SLC9A3: variants seen among roughly 807,000 people sequenced by gnomAD.
The protein encoded by SLC9A3 is solute carrier family 9 member A3.
In SLC9A3, 37 loss-of-function variants were observed where a neutral mutation model predicts 86.8. That is an observed-to-expected ratio of 0.43 (90% CI 0.33 to 0.56). The LOEUF (loss-of-function observed/expected upper bound fraction) is 0.56, where lower values mean the gene tolerates loss of function less well. Among genes scored for constraint, SLC9A3 ranks in the 20% least tolerant of loss-of-function variants. The pLI is 0.06. For synonymous variants in SLC9A3, 581 were observed against 528.3 expected, an observed-to-expected ratio of 1.10 and a Z score of -1.37; for missense variants, 1,011 against 1,171.9, an observed-to-expected ratio of 0.86 and a Z score of 2.00.
In SLC9A3 at chr5:471,978, T is replaced by G; in HGVS notation, c.*1401A>C. The G allele has an allele frequency of 2.2e-6, 1 of 456,648 alleles. No individual in the cohort carries two copies. The highest frequency in any genetic ancestry group is 4.4e-6 in the Non-Finnish European group (1 of 226,970). 28.3% of individuals were successfully genotyped at this position (456,648 alleles called of 1,614,324 possible). A position where few individuals can be genotyped will look rare whatever the true frequency, so the allele number is the denominator to read the frequency against. ...GTCAACACTTGATCTGAAACGTGAATAGTTTAATTTTCCTGAGCAAGGAGC... is the reference window on the plus strand; with the variant it reads ...GTCAACACTTGATCTGAAACGTGAAGAGTTTAATTTTCCTGAGCAAGGAGC... On this transcript the variant is annotated 3_prime_UTR_variant, in exon 17 of 17. Coordinates refer to ENST00000264938, the MANE Select transcript of SLC9A3 (RefSeq NM_004174.4).
At chr5:504,259 G>A (rs1740441156) in intron 1 of SLC9A3, among the ~76,000 whole-genome samples, 1 of 152,116 alleles carries the variant, frequency 6.6e-6, no homozygotes, top group Non-Finnish European at 1.5e-5. Context: ...AACCCAAGGG[G>A]CACACGTCTC....
intron 7 of SLC9A3, 34 bp downstream of exon 7, chr5:482,514 C>A: frequency 6.4e-7 from 1 of 1,559,948 alleles, no homozygotes; most frequent in Non-Finnish European, 8.8e-7. Context: ...GCGGGCGGGG[C>A]CGAGACCCCA....
intron 1 of SLC9A3, among the ~76,000 whole-genome samples, chr5:517,429 C>CCATCCAACTATTCACT: frequency 6.6e-6 from 1 of 151,334 alleles, no homozygotes; most frequent in Admixed American, 6.6e-5. Context: ...ATCAATCCAC[C>CCATCCAACTATTCACT]CATCCAACTA....
intron 4 of SLC9A3, 61 bp from the exon 5 acceptor site, chr5:484,758 C>G: frequency 6.5e-7 from 1 of 1,548,532 alleles, no homozygotes; most frequent in Non-Finnish European, 8.9e-7. Flanking sequence ...TGCCAGGGGC[C>G]GCCTGGTGAC....
intron 1 of SLC9A3, among the ~76,000 whole-genome samples, chr5:501,582 G>A (rs980575945): frequency 3.9e-5 from 6 of 152,230 alleles, no homozygotes; most frequent in Non-Finnish European, 5.9e-5. Context: ...ACGCAGAGAC[G>A]TGCAGAGACA....
In SLC9A3 at chr5:491,727, C is replaced by G. The variant is rs2126629879; in HGVS notation, c.514+42G>C. On this transcript the variant is annotated intron_variant, in intron 2 of 16. Coordinates refer to ENST00000264938, the MANE Select transcript of SLC9A3 (RefSeq NM_004174.4). This position sits in a 1 kb window ranked among gnomAD's most constrained non-coding sequence, Gnocchi z 9.2. Reference sequence around the variant, plus strand: ...TGAGGCAGCGCCGCCCCTCCCGGACCCCACCCTGATCCCGGCCGGGGCAAC... The same window carrying G: ...TGAGGCAGCGCCGCCCCTCCCGGACGCCACCCTGATCCCGGCCGGGGCAAC... The G allele has an allele frequency of 6.8e-7, 1 of 1,474,490 alleles. No individual in the cohort carries two copies. The highest frequency in any genetic ancestry group is 9.1e-7 in the Non-Finnish European group (1 of 1,100,420). 91.3% of individuals were successfully genotyped at this position (1,474,490 alleles called of 1,614,324 possible).
At chr5:482,401 G>A (rs1475734228) in intron 7 of SLC9A3, 147 bp downstream of exon 7, 19 of 733,264 alleles carry the variant, frequency 2.6e-5, no homozygotes, top group East Asian at 5.1e-5. Flanking sequence ...GTGGGGCCAC[G>A]TGAAAACCTA....
At chr5:488,917 TG>T (rs1739595766) in intron 2 of SLC9A3, among the ~76,000 whole-genome samples, 1 of 144,492 alleles carries the variant, frequency 6.9e-6, no homozygotes, top group South Asian at 2.2e-4. Flanking sequence ...GGAGGGCCGT[TG>T]GGGGTGTGGG....
rs1315735913 is a variant in SLC9A3, at chr5:519,392, T to C, written c.211+4720A>G. On this transcript the variant is annotated intron_variant, in intron 1 of 16. Coordinates refer to ENST00000264938, the MANE Select transcript of SLC9A3 (RefSeq NM_004174.4). Reference sequence around the variant, plus strand: ...GGTGAAGGGGTAGGTGCTGTGCGCATTGAGGGATTCCTGCCTCCAGGACCA... The same window carrying C: ...GGTGAAGGGGTAGGTGCTGTGCGCACTGAGGGATTCCTGCCTCCAGGACCA... Among the ~76,000 whole-genome samples, 3 of 152,262 alleles carry C rather than the reference T, an allele frequency of 2.0e-5. No individual in the cohort carries two copies. The East Asian group carries it at 5.8e-4, about 29-fold the overall frequency.
chr5:473,144 C>CGGCCCCGCCCCCCGGCGCA lies in SLC9A3; in HGVS notation c.*234_*235insTGCGCCGGGGGGCGGGGCC. On this transcript the variant is annotated 3_prime_UTR_variant, in exon 17 of 17. Transcript: ENST00000264938. The stretch of plus-strand genomic sequence containing the variant: ...GCGCACTCGGCAGCCCTCGGCGCTC[C>CGGCCCCGCCCCCCGGCGCA]GGCCCCGCCCCCGGCGCAGGCCCCG... 4.1e-6 allele frequency: 1 copy of CGGCCCCGCCCCCCGGCGCA among 244,168 alleles called. No individual in the cohort carries two copies. Among genetic ancestry groups the CGGCCCCGCCCCCCGGCGCA allele is most frequent in the Non-Finnish European group, 7.4e-6 (1 of 134,256 alleles). 15.1% of individuals were successfully genotyped at this position (244,168 alleles called of 1,614,324 possible).
In SLC9A3 at chr5:496,623, CT is replaced by C. The variant is rs1740032506; in HGVS notation, c.212-4553del. 6.6e-6 allele frequency among the ~76,000 whole-genome samples: 1 copy of C among 152,154 alleles called. No homozygotes were observed. The highest frequency in any genetic ancestry group is 2.1e-4 in the South Asian group (1 of 4,832). ...ATTTTGCTCCATGCGAACGTCTTTT[CT>C]TTTTATAGTTAAATTTATTGGTCTT... On this transcript the variant is annotated intron_variant, in intron 1 of 16. Coordinates refer to ENST00000264938, the MANE Select transcript of SLC9A3 (RefSeq NM_004174.4). The surrounding 1 kb of genome is among the most constrained non-coding windows in gnomAD (Gnocchi z 4.7).
chr5:482,207 C>T lies in SLC9A3; in HGVS notation c.1357-50G>A, dbSNP rs148165077. The T allele has an allele frequency of 6.9e-4, 975 of 1,423,080 alleles. 9 individuals are homozygous for T. In the East Asian group the frequency reaches 0.018, roughly 26 times the overall value. 88.2% of individuals were successfully genotyped at this position (1,423,080 alleles called of 1,614,324 possible). A position where few individuals can be genotyped will look rare whatever the true frequency, so the allele number is the denominator to read the frequency against. On this transcript the variant is annotated intron_variant, in intron 7 of 16. Transcript: ENST00000264938. ...TGGTGCCAGGCAGCCCCCCACATCC[C>T]GCTGGCCCGGCCAGGTGCACCACAC...
chr5:479,419 GCCCACAGCGGGAGACGGCCCTGCTGCTGC>G (rs1739003804), intron 10 of SLC9A3: 1 of 199,980 alleles, frequency 5.0e-6, no homozygotes, highest in African/African-American at 2.4e-5. Flanking sequence ...GCCATGGCCG[GCCCACAGCGGGAGACGGCCCTGCTGCTGC>G]CCCTCTGCCT....
intron 11 of SLC9A3, 38 bp from the exon 12 acceptor site, chr5:476,710 C>G (rs1560949636): frequency 6.3e-7 from 1 of 1,595,418 alleles, no homozygotes; most frequent in African/African-American, 1.3e-5. Flanking sequence ...CAGGCTCCCT[C>G]AGGGTGGGGT....
At position 472,418 on chromosome 5, in the gene SLC9A3, TTAA is replaced by T. The variant is rs1738412115; in HGVS notation, c.*958_*960del. 6 of 338,502 alleles carry T rather than the reference TTAA, an allele frequency of 1.8e-5. No homozygotes were observed. The highest frequency in any genetic ancestry group is 2.9e-5 in the Non-Finnish European group (5 of 172,424). The allele number at this position is 338,502 out of a possible 1,614,324, so 21.0% of individuals were successfully genotyped here. A position where few individuals can be genotyped will look rare whatever the true frequency, so the allele number is the denominator to read the frequency against. On this transcript the variant is annotated 3_prime_UTR_variant, in exon 17 of 17. Transcript: ENST00000264938. ...GCAGCTGCTGGGCCCCACCATCCAC[TTAA>T]GGACTGGCCGTGATTCTTGGCAAGC...
At chr5:476,965 C>T in intron 11 of SLC9A3, 1 of 528,512 alleles carries the variant, frequency 1.9e-6, no homozygotes, top group Non-Finnish European at 3.4e-6. Context: ...GGGACCCCAG[C>T]ATCTGCACAT....
Position 482,116 on chromosome 5 carries a change from C to T in SLC9A3, c.1398G>A (p.Lys466=). 6.2e-7 allele frequency: 1 copy of T among 1,610,538 alleles called. No homozygotes were observed. Among genetic ancestry groups the T allele is most frequent in the South Asian group, 1.1e-5 (1 of 90,906 alleles). ...IKPLVQWLKV[K]RSEHREPRLN... ...GCCGAGGTTCCCGGTGCTCGCTCCT[C>T]TTCACCTTCAGCCACTGCACCAGAG... The change falls in exon 8 of 17, where the codon AAG becomes AAA. Residue 466 remains lysine, a synonymous_variant. Transcript: ENST00000264938.
In SLC9A3 at chr5:491,786, A is replaced by G; in HGVS notation, c.497T>C (p.Phe166Ser). ...AGACTCACCCATGAGCCCACTGAGG[A>G]AGACGCCGTAGAGGGACAGCCCGGT... is the stretch of plus-strand genomic sequence containing the variant. ...ATTGLSLYGV[F>S]LSGLMGDLQI... Residue 166 changes from phenylalanine to serine, a missense_variant, in exon 2 of 17, where the codon TTC becomes TCC. This residue lies in a region of SLC9A3 where 565 missense variants were observed against 790.0 expected (regional missense o/e 0.72). Transcript: ENST00000264938. The surrounding 1 kb of genome is among the most constrained non-coding windows in gnomAD (Gnocchi z 9.2). 6.4e-7 allele frequency: 1 copy of G among 1,556,858 alleles called. No individual in the cohort carries two copies. The highest frequency in any genetic ancestry group is 2.4e-5 in the East Asian group (1 of 42,114).
chr5:482,285 A>G, intron 7 of SLC9A3, 128 bp from the exon 8 acceptor site: 6 of 740,990 alleles, frequency 8.1e-6, no homozygotes, highest in Non-Finnish European at 1.4e-5. Flanking sequence ...CCGGGCACCC[A>G]GCAACCCGCG....
Sources: gnomAD v4.1 joint callset for allele counts (sites outside exome capture counted in the v4.1 genomes callset) on GRCh38, gnomAD v4.1.1 for gene constraint, gnomAD v4.1.1 regional missense constraint, Gnocchi (gnomAD v3.1) non-coding constraint, MANE v1.5 for transcripts, NCBI Gene and HGNC (gene_info 2026-07-23, HGNC 2026-07-21) for gene names.